The following PDZRN3 variants were observed in gnomAD, a reference collection of about 807,000 sequenced individuals.
PDZRN3 encodes the protein E3 ubiquitin-protein ligase PDZRN3.
PDZRN3 carries 38 observed loss-of-function variants against 85.7 expected under a neutral mutation model. The ratio of observed to expected loss-of-function variants is 0.44; its 90% CI spans 0.34 to 0.58. The LOEUF is 0.58. Among genes scored for constraint, PDZRN3 ranks in the 20% least tolerant of loss-of-function variants. PDZRN3 has a pLI of 0.01. For synonymous variants in PDZRN3, 759 were observed against 638.0 expected (o/e 1.19, Z -2.86); for missense variants, 1,629 against 1,506.4 (o/e 1.08, Z -1.35).
intron 3 of PDZRN3, among the ~76,000 whole-genome samples, chr3:73,495,918 A>G (rs993218063): frequency 5.9e-5 from 9 of 152,198 alleles, no homozygotes. Flanking sequence ...CTGGTACTCA[A>G]CATCGATTTT....
intron 3 of PDZRN3, among the ~76,000 whole-genome samples, chr3:73,559,016 G>C (rs1701761210): frequency 6.6e-6 from 1 of 152,176 alleles, no homozygotes; most frequent in South Asian, 2.1e-4. Flanking sequence ...AAGAATTCAA[G>C]AGAAATGCTA....
intron 3 of PDZRN3, among the ~76,000 whole-genome samples, chr3:73,456,934 AG>A (rs1006426708): frequency 2.7e-5 from 4 of 146,512 alleles, no homozygotes; most frequent in African/African-American, 7.7e-5. Context: ...GAAGGGGAGT[AG>A]GGGGAAAAAA....
chr3:73,609,012 G>T (rs766887905), intron 1 of PDZRN3, among the ~76,000 whole-genome samples: 1 of 152,134 alleles, frequency 6.6e-6, no homozygotes, highest in Non-Finnish European at 1.5e-5. Flanking sequence ...CCCATCGTAC[G>T]CAGGCTGTCT....
intron 3 of PDZRN3, among the ~76,000 whole-genome samples, chr3:73,554,024 A>G (rs147334235): frequency 2.0e-5 from 3 of 152,362 alleles, no homozygotes; most frequent in African/African-American, 7.2e-5. Flanking sequence ...GGTACAAAGT[A>G]GAGGCCCATG....
chr3:73,467,919 C>T (rs185723672), intron 3 of PDZRN3, among the ~76,000 whole-genome samples: 22 of 152,088 alleles, frequency 1.4e-4, no homozygotes, highest in Admixed American at 7.2e-4. Context: ...GACAGGAAGT[C>T]GAATGGAGGC....
At chr3:73,487,353 A>T (rs1015360122) in intron 3 of PDZRN3, among the ~76,000 whole-genome samples, 3 of 152,102 alleles carry the variant, frequency 2.0e-5, no homozygotes, top group African/African-American at 7.2e-5. Context: ...CTCTGGGGGG[A>T]AAAGCCACCA....
intron 3 of PDZRN3, among the ~76,000 whole-genome samples, chr3:73,491,317 G>A (rs971665936): frequency 6.6e-6 from 1 of 152,174 alleles, no homozygotes; most frequent in Non-Finnish European, 1.5e-5. Flanking sequence ...CCTCCCCCAT[G>A]GAAGATGCAG....
intron 3 of PDZRN3, among the ~76,000 whole-genome samples, chr3:73,557,526 T>A (rs1465760829): frequency 6.6e-6 from 1 of 152,202 alleles, no homozygotes; most frequent in Non-Finnish European, 1.5e-5. Flanking sequence ...ATACTTTAAA[T>A]CCAAGGCCTC....
intron 3 of PDZRN3, among the ~76,000 whole-genome samples, chr3:73,422,886 T>C (rs1200203268): frequency 6.6e-6 from 1 of 152,186 alleles, no homozygotes; most frequent in African/African-American, 2.4e-5. Context: ...ATCTTGGATT[T>C]AGAAAGTCGC....
chr3:73,571,223 T>C (rs973249407), intron 3 of PDZRN3, among the ~76,000 whole-genome samples: 3 of 152,230 alleles, frequency 2.0e-5, no homozygotes, highest in African/African-American at 7.2e-5. Flanking sequence ...GGAGTGCTTT[T>C]ATTTTTCCTA....
At chr3:73,612,324 C>A (rs948533019) in intron 1 of PDZRN3, among the ~76,000 whole-genome samples, 1 of 152,152 alleles carries the variant, frequency 6.6e-6, no homozygotes, top group Non-Finnish European at 1.5e-5. Flanking sequence ...CTGGTGCCTA[C>A]GATCTTTGTA....
chr3:73,574,350 T>C (rs931151154), intron 3 of PDZRN3, among the ~76,000 whole-genome samples: 1 of 151,524 alleles, frequency 6.6e-6, no homozygotes, highest in African/African-American at 2.4e-5. Context: ...CAGAGTGAGC[T>C]GGTATAGCTG....
At chr3:73,578,102 T>C (rs56995401) in intron 3 of PDZRN3, among the ~76,000 whole-genome samples, 59,980 of 151,508 alleles carry the variant, frequency 0.4, 12,267 homozygotes, top group South Asian at 0.45. Context: ...TGATGGATCC[T>C]ATCTTAAGTG....
chr3:73,444,127 T>C (rs889843433), intron 3 of PDZRN3, among the ~76,000 whole-genome samples: 2 of 152,180 alleles, frequency 1.3e-5, no homozygotes, highest in African/African-American at 4.8e-5. Context: ...GTGACTGACA[T>C]CCCTAATCCT....
At chr3:73,433,660 T>C (rs1165386616) in intron 3 of PDZRN3, 1 of 1,535,798 alleles carries the variant, frequency 6.5e-7, no homozygotes, top group East Asian at 2.4e-5. Flanking sequence ...CATAGAGTAA[T>C]TTGTACTGCT....
intron 3 of PDZRN3, 175 bp from the exon 4 acceptor site, chr3:73,404,570 G>C (rs899517296): frequency 1.6e-6 from 1 of 625,450 alleles, no homozygotes; most frequent in Non-Finnish European, 2.7e-6. Flanking sequence ...GGTGGAAAGA[G>C]AGTGAGTTTG....
chr3:73,400,863 T>C (rs2106719541), intron 5 of PDZRN3, 59 bp downstream of exon 5: 1 of 1,177,290 alleles, frequency 8.5e-7, no homozygotes, highest in Middle Eastern at 1.9e-4. Context: ...AGAGAACTTA[T>C]TAGGCATTCT....
chr3:73,413,663 C>A (rs1378810105), intron 3 of PDZRN3, among the ~76,000 whole-genome samples: 1 of 152,012 alleles, frequency 6.6e-6, no homozygotes, highest in African/African-American at 2.4e-5. Context: ...CTGACCTGGG[C>A]TGTAAAGCAA....
intron 3 of PDZRN3, among the ~76,000 whole-genome samples, chr3:73,495,822 CT>C (rs1703856016): frequency 6.6e-6 from 1 of 152,134 alleles, no homozygotes; most frequent in African/African-American, 2.4e-5. Flanking sequence ...TTTTTCTCCA[CT>C]TTTTAAGGAT....
Sources: allele counts gnomAD v4.1 joint callset (sites outside exome capture counted in the v4.1 genomes callset), GRCh38; gene constraint gnomAD v4.1.1; transcripts MANE v1.5; gene names NCBI Gene and HGNC (gene_info 2026-07-23, HGNC 2026-07-21).